MAML3: variants seen among roughly 807,000 people sequenced by gnomAD.
The protein encoded by MAML3 is mastermind like transcriptional coactivator 3, also known as mastermind-like protein 3.
In MAML3, 27 loss-of-function variants were observed where a neutral mutation model predicts 101.9. The ratio of observed to expected loss-of-function variants is 0.27; its 90% CI spans 0.20 to 0.37. The LOEUF (loss-of-function observed/expected upper bound fraction) is 0.37, where lower values mean the gene tolerates loss of function less well. MAML3 is among the 10% of genes least tolerant of loss of function. MAML3 has a pLI of 1.00. For missense variants in MAML3, 1,316 were observed against 1,444.9 expected (o/e 0.91, Z 1.45); for synonymous variants, 501 against 555.9 (o/e 0.90, Z 1.39).
At chr4:139,721,481 G>C (rs1728231236) in intron 4 of MAML3, among the ~76,000 whole-genome samples, 1 of 152,280 alleles carries the variant, frequency 6.6e-6, no homozygotes, top group South Asian at 2.1e-4. Context: ...GATCCCACCT[G>C]GAACTGTGAT....
chr4:140,011,233 C>CAAATATATATATATATATAT (rs1726554348), intron 1 of MAML3, among the ~76,000 whole-genome samples: 1 of 119,926 alleles, frequency 8.3e-6, no homozygotes, highest in Non-Finnish European at 1.8e-5. Flanking sequence ...ATAAAGTGTG[C>CAAATATATATATATATATAT]ATATATATAT....
chr4:140,153,662 G>T lies in MAML3; in HGVS notation c.-335C>A. 3.4e-6 allele frequency: 1 copy of T among 290,812 alleles called. No homozygotes were observed. The highest frequency in any genetic ancestry group is 1.0e-4 in the South Asian group (1 of 9,810). The allele number at this position is 290,812 out of a possible 1,614,324, so 18.0% of individuals were successfully genotyped here. A position where few individuals can be genotyped will look rare whatever the true frequency, so the allele number is the denominator to read the frequency against. ...TCAAGGGGAGATCCGCTCCTTGCTTGCCTTCTTTTTATAATCCATTATTTT... is the reference window on the plus strand; with the variant it reads ...TCAAGGGGAGATCCGCTCCTTGCTTTCCTTCTTTTTATAATCCATTATTTT... On this transcript the variant is annotated 5_prime_UTR_variant, in exon 1 of 5. Coordinates refer to ENST00000509479, the MANE Select transcript of MAML3 (RefSeq NM_018717.5).
chr4:139,977,788 G>A (rs1467735196), intron 1 of MAML3, among the ~76,000 whole-genome samples: 1 of 151,948 alleles, frequency 6.6e-6, no homozygotes, highest in Non-Finnish European at 1.5e-5. Flanking sequence ...CAGGAGAATT[G>A]CTGGAACCCA....
chr4:140,138,803 C>T (rs1728937828), intron 1 of MAML3, among the ~76,000 whole-genome samples: 1 of 152,176 alleles, frequency 6.6e-6, no homozygotes, highest in Non-Finnish European at 1.5e-5. Flanking sequence ...GCAGTATTAT[C>T]ACTTAGGCAT....
intron 2 of MAML3, among the ~76,000 whole-genome samples, chr4:139,819,358 A>T (rs1465653781): frequency 1.3e-5 from 2 of 152,214 alleles, no homozygotes; most frequent in Non-Finnish European, 1.5e-5. Flanking sequence ...GGAAGCTGAA[A>T]GGTATTTGGA....
chr4:139,878,740 T>C (rs1307801678), intron 2 of MAML3, among the ~76,000 whole-genome samples: 2 of 152,194 alleles, frequency 1.3e-5, no homozygotes, highest in East Asian at 3.8e-4. Context: ...TTGTCTGCCA[T>C]CCTTGATGTG....
In MAML3 at chr4:140,105,621, G is replaced by A. The variant is rs887102410; in HGVS notation, c.468+47239C>T. On this transcript the variant is annotated intron_variant, in intron 1 of 4. Transcript: ENST00000509479. ...TCATTTTTCTTGTTTACAAAGCCTCGTATTGATAAAGTATAACAAACAGCT... is the reference window on the plus strand; with the variant it reads ...TCATTTTTCTTGTTTACAAAGCCTCATATTGATAAAGTATAACAAACAGCT... Among the ~76,000 whole-genome samples the A allele has an allele frequency of 3.9e-5, 6 of 152,128 alleles. No individual in the cohort carries two copies. The East Asian group carries it at 7.7e-4, about 20-fold the overall frequency.
At chr4:140,035,164 G>A (rs954958574) in intron 1 of MAML3, among the ~76,000 whole-genome samples, 8 of 152,098 alleles carry the variant, frequency 5.3e-5, no homozygotes, top group African/African-American at 1.9e-4. Flanking sequence ...AGTTGAGACA[G>A]GGTTTCACCA....
intron 2 of MAML3, among the ~76,000 whole-genome samples, chr4:139,833,179 A>G (rs1167033704): frequency 6.6e-6 from 1 of 152,190 alleles, no homozygotes; most frequent in Non-Finnish European, 1.5e-5. Context: ...AAAAACAAAA[A>G]CAGTCAACAC....
intron 2 of MAML3, among the ~76,000 whole-genome samples, chr4:139,866,545 G>C (rs1448865191): frequency 1.3e-5 from 2 of 152,200 alleles, no homozygotes; most frequent in Non-Finnish European, 2.9e-5. Context: ...TTTTCACGGA[G>C]CTTGGGGGCT....
At chr4:139,797,993 TAAGAA>T (rs892724869) in intron 2 of MAML3, among the ~76,000 whole-genome samples, 49 of 123,344 alleles carry the variant, frequency 4.0e-4, no homozygotes, top group Middle Eastern at 4.4e-3. Flanking sequence ...TTAAAGCACT[TAAGAA>T]AAAAAGAAAG....
At chr4:140,087,436 T>C (rs1036374026) in intron 1 of MAML3, among the ~76,000 whole-genome samples, 4 of 152,260 alleles carry the variant, frequency 2.6e-5, no homozygotes, top group African/African-American at 7.2e-5. Context: ...AATGCTACCA[T>C]GAGAAACTTT....
At chr4:139,883,328 A>G (rs1292224301) in intron 2 of MAML3, among the ~76,000 whole-genome samples, 1 of 152,256 alleles carries the variant, frequency 6.6e-6, no homozygotes, top group Non-Finnish European at 1.5e-5. Context: ...AAAAGTAGGT[A>G]CAGAGACAAT....
intron 2 of MAML3, among the ~76,000 whole-genome samples, chr4:139,809,575 C>T (rs1038359226): frequency 6.6e-6 from 1 of 152,178 alleles, no homozygotes; most frequent in African/African-American, 2.4e-5. Context: ...AGTCACGGGG[C>T]CTGGGGCGGG....
intron 1 of MAML3, among the ~76,000 whole-genome samples, chr4:140,152,641 C>T (rs1729195186): frequency 6.6e-6 from 1 of 152,118 alleles, no homozygotes; most frequent in South Asian, 2.1e-4. Flanking sequence ...TCCCCTCTCG[C>T]CCCCTCCTCC....
intron 1 of MAML3, among the ~76,000 whole-genome samples, chr4:140,152,604 C>T (rs1004345011): frequency 2.0e-5 from 3 of 151,904 alleles, no homozygotes; most frequent in Non-Finnish European, 4.4e-5. Flanking sequence ...TAGGCTCCCT[C>T]CGCCCCTCGC....
chr4:139,938,746 G>A (rs1415614675), intron 1 of MAML3, among the ~76,000 whole-genome samples: 1 of 152,172 alleles, frequency 6.6e-6, no homozygotes, highest in Non-Finnish European at 1.5e-5. Context: ...CTTTTTCCCT[G>A]ATAAAGGTGT....
Position 139,773,064 on chromosome 4 carries a change from T to C in MAML3, c.2080-42397A>G, listed in dbSNP as rs560624626. Among the ~76,000 whole-genome samples the C allele has an allele frequency of 7.2e-5, 11 of 152,296 alleles. No individual in the cohort carries two copies. The East Asian group carries it at 1.9e-3, about 27-fold the overall frequency. ...TATTACATTTTAAAAAGTCTAAGCA[T>C]ATGCCCAGATTTTTTTGGTAGTTTT... On this transcript the variant is annotated intron_variant, in intron 2 of 4. Transcript: ENST00000509479.
intron 2 of MAML3, among the ~76,000 whole-genome samples, chr4:139,840,631 T>C (rs1731344729): frequency 6.6e-6 from 1 of 152,168 alleles, no homozygotes; most frequent in Non-Finnish European, 1.5e-5. Context: ...TCATTGAACT[T>C]GAGAAAATGC....
Sources: allele counts gnomAD v4.1 joint callset (sites outside exome capture counted in the v4.1 genomes callset), GRCh38; gene constraint gnomAD v4.1.1; transcripts MANE v1.5; gene names NCBI Gene and HGNC (gene_info 2026-07-23, HGNC 2026-07-21).